UPF2: variants seen among roughly 807,000 people sequenced by gnomAD.
UPF2 encodes the protein regulator of nonsense transcripts 2.
A neutral mutation model predicts 141.4 loss-of-function variants in UPF2; 17 were observed. The observed-to-expected ratio is 0.12, with a 90% CI of 0.08 to 0.18. The LOEUF (loss-of-function observed/expected upper bound fraction) is 0.18. Ranked by LOEUF, UPF2 falls within the 10% of genes least tolerant of loss-of-function variation. UPF2 has a pLI of 1.00. For missense variants in UPF2, 1,152 were observed against 1,515.9 expected, an observed-to-expected ratio of 0.76 and a Z score of 3.99; for synonymous variants, 540 against 498.0, an observed-to-expected ratio of 1.08 and a Z score of -1.12.
intron 14 of UPF2, 88 bp downstream of exon 14, chr10:11,955,144 T>G: frequency 8.0e-7 from 1 of 1,251,598 alleles, no homozygotes; most frequent in Non-Finnish European, 1.1e-6. Context: ...AATATATGAA[T>G]ACCATAACGT....
chr10:11,952,537 C>CCATCTCAG (rs1472084978), intron 14 of UPF2, among the ~76,000 whole-genome samples: 1 of 145,254 alleles, frequency 6.9e-6, no homozygotes, highest in African/African-American at 2.6e-5. Context: ...TGCAGTGGCG[C>CCATCTCAG]CATCTCAGCT....
chr10:11,961,472 G>T (rs1320481497), intron 11 of UPF2, among the ~76,000 whole-genome samples: 1 of 151,888 alleles, frequency 6.6e-6, no homozygotes, highest in Non-Finnish European at 1.5e-5. Flanking sequence ...CGAACAGAAG[G>T]CCAGTGTGTT....
At chr10:11,983,492 C>T (rs1341130640) in intron 8 of UPF2, among the ~76,000 whole-genome samples, 2 of 152,112 alleles carry the variant, frequency 1.3e-5, no homozygotes, top group Non-Finnish European at 2.9e-5. Flanking sequence ...CCTGTCTCAG[C>T]CTCCTGAGTA....
intron 5 of UPF2, among the ~76,000 whole-genome samples, chr10:12,002,201 G>A (rs1054345988): frequency 6.6e-6 from 1 of 152,142 alleles, no homozygotes; most frequent in Non-Finnish European, 1.5e-5. Context: ...AACCCAGGAG[G>A]TGGAGACTGC....
intron 17 of UPF2, 96 bp from the exon 18 acceptor site, chr10:11,942,859 C>T: frequency 3.6e-6 from 4 of 1,118,916 alleles, no homozygotes; most frequent in Non-Finnish European, 5.2e-6. Context: ...TTTAACATAA[C>T]TCAAGGAGTA....
intron 12 of UPF2, among the ~76,000 whole-genome samples, chr10:11,957,651 G>C (rs1045866856): frequency 6.6e-6 from 1 of 151,826 alleles, no homozygotes; most frequent in South Asian, 2.1e-4. Flanking sequence ...CAAGTAGCTG[G>C]GATTACAGGC....
In UPF2 at chr10:11,942,732, T is replaced by A; in HGVS notation, c.3311A>T (p.His1104Leu). Reference sequence around the variant, plus strand: ...GTCCTCATCTTCTACACAAGGTACATGCTTAAGTCCACCGCCTTTAATCAT... The same window carrying A: ...GTCCTCATCTTCTACACAAGGTACAAGCTTAAGTCCACCGCCTTTAATCAT... ...EVMIKGGGLK[H>L]VPCVEDEDFI... The change falls in exon 18 of 22, where the codon CAT becomes CTT. Residue 1104 changes from histidine to leucine, a missense_variant. Physicochemically the swap from His to Leu is moderately conservative, Grantham distance 99 (BLOSUM62 -3). Coordinates refer to ENST00000357604, the MANE Select transcript of UPF2 (RefSeq NM_015542.4). 6.2e-7 allele frequency: 1 copy of A among 1,614,040 alleles called. No homozygotes were observed.
At chr10:12,001,618 CAAG>C (rs749850857) in intron 6 of UPF2, 55 bp downstream of exon 6, 160 of 1,472,230 alleles carry the variant, frequency 1.1e-4, no homozygotes, top group Non-Finnish European at 1.4e-4. Context: ...TATTCTTAGG[CAAG>C]AGCTCTGTGT....
At chr10:12,033,995 A>G (rs932502242) in intron 2 of UPF2, among the ~76,000 whole-genome samples, 2 of 152,262 alleles carry the variant, frequency 1.3e-5, no homozygotes, top group Non-Finnish European at 2.9e-5. Flanking sequence ...ACAGATTTAA[A>G]TAAAGATAAG....
intron 4 of UPF2, among the ~76,000 whole-genome samples, chr10:12,009,822 TC>T (rs1239188618): frequency 6.6e-6 from 1 of 152,170 alleles, no homozygotes; most frequent in African/African-American, 2.4e-5. Context: ...TTGCAGAGTC[TC>T]CTTGAACATT....
At chr10:11,971,254 CT>C (rs1354802571) in intron 9 of UPF2, among the ~76,000 whole-genome samples, 3 of 78,042 alleles carry the variant, frequency 3.8e-5, no homozygotes, top group African/African-American at 4.9e-5. Context: ...ACTCTCATTT[CT>C]TTCTTTTTTT....
At chr10:11,986,140 TC>T (rs1343415026) in intron 8 of UPF2, among the ~76,000 whole-genome samples, 10 of 151,996 alleles carry the variant, frequency 6.6e-5, no homozygotes, top group African/African-American at 2.4e-4. Context: ...CGCCTCAGCC[TC>T]CCAAAGTGCT....
rs946524517 is a variant in UPF2, at chr10:11,959,590, T to C, written c.2185-234A>G. Among the ~76,000 whole-genome samples, 2 of 151,904 alleles carry C rather than the reference T, an allele frequency of 1.3e-5. No individual in the cohort carries two copies. Among genetic ancestry groups the C allele is most frequent in the Non-Finnish European group, 2.9e-5 (2 of 67,972 alleles). The stretch of plus-strand genomic sequence containing the variant: ...GCTTGGGCAACATGATGAAACCCCA[T>C]CTCTACAAAAGATACAAAAATTAGC... On this transcript the variant is annotated intron_variant, in intron 11 of 21. Coordinates refer to ENST00000357604, the MANE Select transcript of UPF2 (RefSeq NM_015542.4). This position sits in a 1 kb window ranked among gnomAD's most constrained non-coding sequence, Gnocchi z 5.9.
rs559857892 is a variant in UPF2, at chr10:12,029,530, T to C, written c.366-6A>G. ...GAATGGATTCTTCTTTTTCTCTATA[T>C]AAAAACAAACAAATAAATAAAATAC... On this transcript the variant is annotated splice_polypyrimidine_tract_variant and splice_region_variant and intron_variant, in intron 2 of 21. Coordinates refer to ENST00000357604, the MANE Select transcript of UPF2 (RefSeq NM_015542.4). 21 of 1,566,684 alleles carry C rather than the reference T, an allele frequency of 1.3e-5. No homozygotes were observed. The highest frequency in any genetic ancestry group is 2.1e-5 in the Admixed American group (1 of 47,086).
rs969718792 is a variant in UPF2 at position 11,936,470 on chromosome 10, G to A, written c.3546+75C>T. The A allele has an allele frequency of 2.8e-6, 4 of 1,442,270 alleles. No individual in the cohort carries two copies. Among genetic ancestry groups the A allele is most frequent in the Non-Finnish European group, 3.7e-6 (4 of 1,076,624 alleles). 89.3% of individuals were successfully genotyped at this position (1,442,270 alleles called of 1,614,324 possible). On this transcript the variant is annotated intron_variant, in intron 19 of 21. Coordinates refer to ENST00000357604, the MANE Select transcript of UPF2 (RefSeq NM_015542.4). The surrounding 1 kb of genome is among the most constrained non-coding windows in gnomAD (Gnocchi z 6.6). ...AAAACTGTCCAACCCTTATCCCCTT[G>A]TAGGTCAAAGATAAGTTAAAACCTA...
In UPF2 at chr10:12,042,541, G is replaced by A. The variant is rs905789112; in HGVS notation, c.-19+214C>T. 6.6e-6 allele frequency among the ~76,000 whole-genome samples: 1 copy of A among 152,128 alleles called. No individual in the cohort carries two copies. Among genetic ancestry groups the A allele is most frequent in the Non-Finnish European group, 1.5e-5 (1 of 68,018 alleles). On this transcript the variant is annotated intron_variant, in intron 1 of 21. Coordinates refer to ENST00000357604, the MANE Select transcript of UPF2 (RefSeq NM_015542.4). The surrounding 1 kb of genome is among the most constrained non-coding windows in gnomAD (Gnocchi z 5.5). Reference sequence around the variant, plus strand: ...CCGCCCCCCAAGCATGGCCCGGCCCGGGGGCTCCCGCGTTGATGGGAGCCT... The same window carrying A: ...CCGCCCCCCAAGCATGGCCCGGCCCAGGGGCTCCCGCGTTGATGGGAGCCT...
At chr10:11,958,891 G>A (rs981984580) in intron 12 of UPF2, among the ~76,000 whole-genome samples, 2 of 151,894 alleles carry the variant, frequency 1.3e-5, no homozygotes, top group Non-Finnish European at 2.9e-5. Context: ...AATTTGTTAT[G>A]GAATACCAGA....
chr10:11,972,969 A>G (rs1833445884), intron 9 of UPF2, among the ~76,000 whole-genome samples: 1 of 152,232 alleles, frequency 6.6e-6, no homozygotes, highest in South Asian at 2.1e-4. Context: ...ACTGTCTTCC[A>G]CAATGGTTGA....
chr10:11,970,060 G>A (rs1833390003), intron 9 of UPF2, among the ~76,000 whole-genome samples: 1 of 152,164 alleles, frequency 6.6e-6, no homozygotes, highest in South Asian at 2.1e-4. Flanking sequence ...AAGTTCTAGA[G>A]TTAGAATGTC....
Sources: gnomAD v4.1 joint callset for allele counts (sites outside exome capture counted in the v4.1 genomes callset) on GRCh38, gnomAD v4.1.1 for gene constraint, Gnocchi (gnomAD v3.1) non-coding constraint, MANE v1.5 for transcripts, NCBI Gene and HGNC (gene_info 2026-07-23, HGNC 2026-07-21) for gene names.